SPINK5: variants seen among roughly 807,000 people sequenced by gnomAD.
SPINK5 encodes the protein serine protease inhibitor Kazal-type 5.
SPINK5 carries 125 observed loss-of-function variants against 151.8 expected under a neutral mutation model. That is an observed-to-expected ratio of 0.82 (90% CI 0.71 to 0.96). The LOEUF is 0.96. SPINK5 is among the 40% of genes least tolerant of loss of function. The pLI is 0.00. For synonymous variants in SPINK5, 374 were observed against 395.3 expected (o/e 0.95, Z 0.64); for missense variants, 1,194 against 1,291.9 (o/e 0.92, Z 1.16).
intron 3 of SPINK5, among the ~76,000 whole-genome samples, chr5:148,071,306 G>A (rs9325069): frequency 0.71 from 108,397 of 151,880 alleles, 39,321 homozygotes; most frequent in East Asian, 0.91. Context: ...GGGGATTGAC[G>A]TAGTCAATCA....
chr5:148,101,732 T>G (rs1304693804), intron 14 of SPINK5, 49 bp from the exon 15 acceptor site: 1 of 1,613,278 alleles, frequency 6.2e-7, no homozygotes, highest in Non-Finnish European at 8.5e-7. Flanking sequence ...TTTTGCAATC[T>G]GATTCAGCCT....
chr5:148,096,019 C>T, intron 10 of SPINK5, 114 bp downstream of exon 10: 1 of 852,050 alleles, frequency 1.2e-6, no homozygotes, highest in South Asian at 1.5e-5. Context: ...ATATTTTCCA[C>T]ACTACTAGTA....
intron 26 of SPINK5, among the ~76,000 whole-genome samples, chr5:148,123,484 TG>T (rs1480897736): frequency 1.7e-4 from 6 of 35,464 alleles, no homozygotes; most frequent in African/African-American, 4.2e-4. Flanking sequence ...AATCTTGTTC[TG>T]TTGTCCAGCC....
intron 30 of SPINK5, among the ~76,000 whole-genome samples, chr5:148,128,657 T>C (rs527886054): frequency 1.8e-4 from 27 of 152,188 alleles, no homozygotes; most frequent in Middle Eastern, 3.4e-3. Flanking sequence ...GCCTCCCGAG[T>C]AGCTGGGACT....
chr5:148,065,586 G>T, intron 2 of SPINK5: 1 of 541,260 alleles, frequency 1.8e-6, no homozygotes, highest in South Asian at 2.7e-5. Context: ...ACATATTAAT[G>T]ATGATGGATG....
intron 24 of SPINK5, among the ~76,000 whole-genome samples, chr5:148,119,366 C>T (rs943677787): frequency 6.6e-6 from 1 of 152,126 alleles, no homozygotes; most frequent in Admixed American, 6.5e-5. Context: ...TGAGGTTTTG[C>T]AAGTATACTG....
intron 2 of SPINK5, among the ~76,000 whole-genome samples, chr5:148,068,554 C>CAAAA (rs1166912306): frequency 5.2e-3 from 461 of 88,884 alleles, no homozygotes; most frequent in Middle Eastern, 0.021. Flanking sequence ...CCTGCCTCTC[C>CAAAA]AAAAAAAAAA....
At position 148,114,570 on chromosome 5, in the gene SPINK5, T is replaced by C. The variant is rs1357723502; in HGVS notation, c.2015+81T>C. 6.9e-6 allele frequency: 11 copies of C among 1,591,480 alleles called. No individual in the cohort carries two copies. In the South Asian group the frequency reaches 1.2e-4, roughly 18 times the overall value. ...GCCAGGCAAATAATATGTATTGTGT[T>C]TGTCCTTTCCTTACATGTAATAGAA... On this transcript the variant is annotated intron_variant, in intron 21 of 32. Transcript: ENST00000256084.
chr5:148,065,536 G>GT lies in SPINK5; in HGVS notation c.81+164_81+165insT, dbSNP rs1561669858. 44 of 649,676 alleles carry GT rather than the reference G, an allele frequency of 6.8e-5. No homozygotes were observed. In the African/African-American group the frequency reaches 9.3e-4, roughly 14 times the overall value. The allele number at this position is 649,676 out of a possible 1,614,324, so 40.2% of individuals were successfully genotyped here. A position where few individuals can be genotyped will look rare whatever the true frequency, so the allele number is the denominator to read the frequency against. On this transcript the variant is annotated intron_variant, in intron 2 of 32. Coordinates refer to ENST00000256084, the MANE Select transcript of SPINK5 (RefSeq NM_006846.4). ...CAGATTTTTATGAATCAGGACATGA[G>GT]CCTCTCTCTCACACACACACACACA... is the stretch of plus-strand genomic sequence containing the variant.
chr5:148,106,234 A>C (rs1294314298), intron 16 of SPINK5, among the ~76,000 whole-genome samples: 1 of 151,998 alleles, frequency 6.6e-6, no homozygotes, highest in Non-Finnish European at 1.5e-5. Flanking sequence ...TAATTTTTTT[A>C]AATCAATTTA....
chr5:148,091,294 C>T, intron 8 of SPINK5, 66 bp downstream of exon 8: 4 of 1,293,752 alleles, frequency 3.1e-6, no homozygotes, highest in Non-Finnish European at 4.5e-6. Context: ...TATGCCTAAA[C>T]CTTTGAGTAA....
intron 10 of SPINK5, among the ~76,000 whole-genome samples, chr5:148,097,328 C>A (rs1278407747): frequency 2.6e-5 from 4 of 151,924 alleles, no homozygotes; most frequent in African/African-American, 9.7e-5. Flanking sequence ...TCCTTTTGAC[C>A]ATTTCCCAAA....
chr5:148,112,777 A>G (rs1753976063), intron 19 of SPINK5, 91 bp from the exon 20 acceptor site: 1 of 1,578,870 alleles, frequency 6.3e-7, no homozygotes, highest in African/African-American at 1.4e-5. Context: ...GTATAGAAGT[A>G]ATGGACCATT....
At chr5:148,094,274 A>G in intron 8 of SPINK5, 80 bp from the exon 9 acceptor site, 1 of 1,525,766 alleles carries the variant, frequency 6.6e-7, no homozygotes, top group Non-Finnish European at 9.0e-7. Flanking sequence ...CACCCTGCGC[A>G]ATGCAGCAAA....
At chr5:148,132,130 T>C (rs1754587670) in intron 31 of SPINK5, among the ~76,000 whole-genome samples, 1 of 152,224 alleles carries the variant, frequency 6.6e-6, no homozygotes, top group Non-Finnish European at 1.5e-5. Context: ...TTGTTGTTGC[T>C]ACTCTGCTCA....
rs1295633163 is a variant in SPINK5 at position 148,104,956 on chromosome 5, CAAG to C, written c.1441_1443del (p.Glu481del). 5 of 1,612,574 alleles carry C rather than the reference CAAG, an allele frequency of 3.1e-6. No homozygotes were observed. In the East Asian group the frequency reaches 6.7e-5, roughly 22 times the overall value. On this transcript the variant is annotated inframe_deletion, in exon 16 of 33. Transcript: ENST00000256084. The stretch of plus-strand genomic sequence containing the variant: ...TTTCTTTTCGGTTTCTTAAAGTCAA[CAAG>C]AAGAAAGAGCAAGAGCAAAGGCTAA...
chr5:148,112,678 A>AAAAAAC (rs113307434), intron 19 of SPINK5, among the ~76,000 whole-genome samples, 190 bp from the exon 20 acceptor site: 3 of 151,584 alleles, frequency 2.0e-5, no homozygotes, highest in African/African-American at 7.3e-5. Flanking sequence ...TCTCAAAAAA[A>AAAAAAC]AACCAAAAAA....
At chr5:148,111,996 A>G (rs935532777) in intron 19 of SPINK5, 101 bp downstream of exon 19, 23 of 1,560,668 alleles carry the variant, frequency 1.5e-5, no homozygotes, top group Non-Finnish European at 1.9e-5. Flanking sequence ...GAGATAGATA[A>G]TAAAGGCTGT....
At chr5:148,105,661 G>C (rs975147341) in intron 16 of SPINK5, among the ~76,000 whole-genome samples, 1 of 151,916 alleles carries the variant, frequency 6.6e-6, no homozygotes, top group African/African-American at 2.4e-5. Flanking sequence ...TGTTGCCCAG[G>C]CTAGAGTGCA....
Sources: allele counts gnomAD v4.1 joint callset (sites outside exome capture counted in the v4.1 genomes callset), GRCh38; gene constraint gnomAD v4.1.1; transcripts MANE v1.5; gene names NCBI Gene and HGNC (gene_info 2026-07-23, HGNC 2026-07-21).